SEC24D: variants seen among roughly 807,000 people sequenced by gnomAD.
The protein encoded by SEC24D is protein transport protein Sec24D.
Under a neutral mutation model 116.9 loss-of-function variants are expected in SEC24D, and 69 were observed. That is an observed-to-expected ratio of 0.59 (90% CI 0.49 to 0.72). SEC24D has a LOEUF of 0.72. Among genes scored for constraint, SEC24D ranks in the 30% least tolerant of loss-of-function variants. The pLI is 0.00. For missense variants in SEC24D, 1,131 were observed against 1,264.1 expected (o/e 0.89, Z 1.60); for synonymous variants, 405 against 442.8 (o/e 0.91, Z 1.07).
intron 7 of SEC24D, among the ~76,000 whole-genome samples, chr4:118,801,232 A>T (rs1033591931): frequency 5.3e-5 from 8 of 151,738 alleles, no homozygotes; most frequent in African/African-American, 1.7e-4. Context: ...ACTGTACTCC[A>T]GCCTGGGCGA....
intron 22 of SEC24D, among the ~76,000 whole-genome samples, chr4:118,724,731 T>G (rs1725321150): frequency 6.6e-6 from 1 of 152,216 alleles, no homozygotes; most frequent in Non-Finnish European, 1.5e-5. Context: ...CCTGTATTCC[T>G]ACTTGAGGAA....
chr4:118,750,447 G>A (rs1286885172), intron 13 of SEC24D, among the ~76,000 whole-genome samples: 2 of 152,212 alleles, frequency 1.3e-5, no homozygotes, highest in Non-Finnish European at 2.9e-5. Flanking sequence ...CTCAGATCCT[G>A]TGGAACCTTG....
intron 22 of SEC24D, among the ~76,000 whole-genome samples, chr4:118,726,006 TTAAAA>T (rs1725392328): frequency 6.6e-6 from 1 of 152,196 alleles, no homozygotes; most frequent in African/African-American, 2.4e-5. Flanking sequence ...GAAGAGAACA[TTAAAA>T]TAATCACTGC....
At chr4:118,786,082 A>T (rs1728655870) in intron 8 of SEC24D, among the ~76,000 whole-genome samples, 1 of 152,218 alleles carries the variant, frequency 6.6e-6, no homozygotes, top group Non-Finnish European at 1.5e-5. Context: ...CAAAAAAGTA[A>T]ATGTTTCAAG....
chr4:118,732,236 G>A (rs1725729540), intron 20 of SEC24D, among the ~76,000 whole-genome samples: 1 of 152,102 alleles, frequency 6.6e-6, no homozygotes, highest in Admixed American at 6.6e-5. Flanking sequence ...CCTGGTTCAA[G>A]CAATTCCCCT....
intron 7 of SEC24D, among the ~76,000 whole-genome samples, chr4:118,803,493 G>A (rs1729540711): frequency 6.6e-6 from 1 of 152,128 alleles, no homozygotes; most frequent in Non-Finnish European, 1.5e-5. Flanking sequence ...GGCAAGACAG[G>A]CTGGGTCAGT....
Position 118,723,295 on chromosome 4 carries a change from G to C in SEC24D, c.*220C>G, listed in dbSNP as rs1725236739. 3 of 419,614 alleles carry C rather than the reference G, an allele frequency of 7.1e-6. No individual in the cohort carries two copies. Among genetic ancestry groups the C allele is most frequent in the Non-Finnish European group, 4.2e-6 (1 of 239,508 alleles). The allele number at this position is 419,614 out of a possible 1,614,324, so 26.0% of individuals were successfully genotyped here. ...ACATCAGTTTTAAAAATTAGAAACTGTGCAATCAGAAACAGATTGTTCCCT... is the reference window on the plus strand; with the variant it reads ...ACATCAGTTTTAAAAATTAGAAACTCTGCAATCAGAAACAGATTGTTCCCT... On this transcript the variant is annotated 3_prime_UTR_variant, in exon 23 of 23. Transcript: ENST00000280551.
At chr4:118,788,486 T>C (rs751751069) in intron 8 of SEC24D, among the ~76,000 whole-genome samples, 5 of 152,222 alleles carry the variant, frequency 3.3e-5, no homozygotes, top group Non-Finnish European at 7.3e-5. Context: ...TCCTAAAATA[T>C]CTTGGTCCAA....
At chr4:118,766,127 C>T (rs1727632261) in intron 9 of SEC24D, among the ~76,000 whole-genome samples, 1 of 152,212 alleles carries the variant, frequency 6.6e-6, no homozygotes, top group Non-Finnish European at 1.5e-5. Flanking sequence ...TCATTCACAT[C>T]TACACACAGA....
chr4:118,785,047 T>C (rs1728610110), intron 8 of SEC24D, among the ~76,000 whole-genome samples: 1 of 152,108 alleles, frequency 6.6e-6, no homozygotes, highest in Admixed American at 6.5e-5. Context: ...CCATGGAAAC[T>C]GAACTCAAGC....
chr4:118,733,069 TG>T (rs1174867669), intron 19 of SEC24D, 157 bp from the exon 20 acceptor site: 2 of 611,782 alleles, frequency 3.3e-6, no homozygotes, highest in Non-Finnish European at 5.7e-6. Context: ...ACACAGTAAC[TG>T]GCACAGAGTA....
At chr4:118,744,849 T>G (rs982467856) in intron 14 of SEC24D, 95 bp downstream of exon 14, 39 of 699,814 alleles carry the variant, frequency 5.6e-5, no homozygotes, top group Non-Finnish European at 1.0e-5. Context: ...TTTATGAGAT[T>G]TAGTTTCTCC....
In SEC24D at chr4:118,752,754, A is replaced by G. The variant is rs1396726997; in HGVS notation, c.1556T>C (p.Val519Ala). The change falls in exon 12 of 23, where the codon GTT (valine) becomes GCT (alanine). Residue 519 changes from valine to alanine, a missense_variant. Coordinates refer to ENST00000280551, the MANE Select transcript of SEC24D (RefSeq NM_014822.4). ...GACAAGGAAACCATCCAACAAAGGA[A>G]CAAAGACTTCTCCAACATCAGTCAC... ...MVVTDVGEVF[V>A]PLLDGFLVNY... is the part of the protein sequence containing the mutation. 2 of 1,612,076 alleles carry G rather than the reference A, an allele frequency of 1.2e-6. No homozygotes were observed. Among genetic ancestry groups the G allele is most frequent in the Non-Finnish European group, 1.7e-6 (2 of 1,179,330 alleles).
intron 8 of SEC24D, among the ~76,000 whole-genome samples, chr4:118,785,800 T>C (rs1483519451): frequency 6.6e-6 from 1 of 152,178 alleles, no homozygotes; most frequent in African/African-American, 2.4e-5. Context: ...TCTTATATAA[T>C]AGCTAGAACC....
At chr4:118,806,026 C>T in intron 6 of SEC24D, 72 bp from the exon 7 acceptor site, 3 of 922,796 alleles carry the variant, frequency 3.3e-6, no homozygotes, top group Non-Finnish European at 5.1e-6. Flanking sequence ...TAGAGAGTAC[C>T]CTTGCTCTCT....
intron 8 of SEC24D, among the ~76,000 whole-genome samples, chr4:118,789,646 G>A (rs1215407674): frequency 6.6e-6 from 1 of 152,150 alleles, no homozygotes; most frequent in Non-Finnish European, 1.5e-5. Flanking sequence ...GCGCAGTGGC[G>A]CAACCTTAGC....
chr4:118,757,223 C>A (rs563470456), intron 11 of SEC24D, among the ~76,000 whole-genome samples: 37 of 152,210 alleles, frequency 2.4e-4, no homozygotes, highest in African/African-American at 8.7e-4. Flanking sequence ...TGTGGTGCAC[C>A]TCAGGCTGTT....
intron 22 of SEC24D, among the ~76,000 whole-genome samples, chr4:118,725,898 C>T (rs1725387113): frequency 6.6e-6 from 1 of 152,146 alleles, no homozygotes; most frequent in Admixed American, 6.5e-5. Flanking sequence ...GGCACACCCA[C>T]ACCAATAAAA....
chr4:118,755,750 TAA>T (rs1197187049), intron 11 of SEC24D, among the ~76,000 whole-genome samples: 4 of 152,006 alleles, frequency 2.6e-5, no homozygotes, highest in Non-Finnish European at 5.9e-5. Context: ...TTAAAAAAAA[TAA>T]AGTTACACAT....
Sources: allele counts gnomAD v4.1 joint callset (sites outside exome capture counted in the v4.1 genomes callset), GRCh38; gene constraint gnomAD v4.1.1; transcripts MANE v1.5; gene names NCBI Gene and HGNC (gene_info 2026-07-23, HGNC 2026-07-21).